Variants in ANO4 observed in about 807,000 individuals in gnomAD.
The protein encoded by ANO4 is anoctamin-4.
Under a neutral mutation model 141.9 loss-of-function variants are expected in ANO4, and 69 were observed. That is an observed-to-expected ratio of 0.49 (90% CI 0.40 to 0.59). The LOEUF is 0.59. Ranked by LOEUF, ANO4 falls within the 20% of genes least tolerant of loss-of-function variation. The pLI, the probability that ANO4 is intolerant of heterozygous loss-of-function variation, is 0.00. For synonymous variants in ANO4, 350 were observed against 394.3 expected (o/e 0.89, Z 1.33); for missense variants, 894 against 1,162.2 (o/e 0.77, Z 3.36).
At chr12:100,822,157 T>A (rs2036090093) in intron 1 of ANO4, among the ~76,000 whole-genome samples, 1 of 152,040 alleles carries the variant, frequency 6.6e-6, no homozygotes, top group Non-Finnish European at 1.5e-5. Context: ...GTGGATCTTT[T>A]GAGCAGCTTA....
intron 8 of ANO4, among the ~76,000 whole-genome samples, chr12:100,992,860 T>A (rs2045202716): frequency 6.6e-6 from 1 of 152,122 alleles, no homozygotes; most frequent in Admixed American, 6.5e-5. Flanking sequence ...ATTCTTTAAC[T>A]GCACTGTACA....
At position 101,109,410 on chromosome 12, in the gene ANO4, C is replaced by A. The variant is rs73389111; in HGVS notation, c.2150-994C>A. ...ACTCTGTCTCTACTAAAAATACAAA[C>A]ATTAGCTGGTTGTGATGGCGGGCGC... On this transcript the variant is annotated intron_variant, in intron 22 of 27. Coordinates refer to ENST00000392977, the MANE Select transcript of ANO4 (RefSeq NM_001286615.2). Among the ~76,000 whole-genome samples, 672 of 152,018 alleles carry A rather than the reference C, an allele frequency of 4.4e-3. 10 individuals are homozygous for A. The highest frequency in any genetic ancestry group is 0.016 in the African/African-American group (648 of 41,446).
At chr12:101,111,542 A>G (rs2050665212) in intron 23 of ANO4, 21 bp from the exon 24 acceptor site, 1 of 1,583,020 alleles carries the variant, frequency 6.3e-7, no homozygotes, top group Non-Finnish European at 8.6e-7. Flanking sequence ...TGGAACTAAC[A>G]CAACACTTCT....
intron 1 of ANO4, among the ~76,000 whole-genome samples, chr12:100,727,775 C>CT (rs1158859769): frequency 6.6e-6 from 1 of 151,948 alleles, no homozygotes; most frequent in African/African-American, 2.4e-5. Context: ...CAAAGTTGAA[C>CT]TTTTTTGTTA....
At chr12:100,727,925 T>G (rs1258798881) in intron 1 of ANO4, among the ~76,000 whole-genome samples, 1 of 152,216 alleles carries the variant, frequency 6.6e-6, no homozygotes, top group African/African-American at 2.4e-5. Context: ...CTTAACAAAT[T>G]CTACACCTAT....
intron 9 of ANO4, among the ~76,000 whole-genome samples, chr12:101,027,863 A>T (rs1361868126): frequency 6.6e-6 from 1 of 152,072 alleles, no homozygotes; most frequent in African/African-American, 2.4e-5. Context: ...CTTGTCACCC[A>T]AATAGGTAAG....
chr12:100,874,980 G>A (rs751570183), intron 1 of ANO4, among the ~76,000 whole-genome samples: 4 of 152,128 alleles, frequency 2.6e-5, no homozygotes, highest in Admixed American at 6.5e-5. Context: ...CAGGCTCCTA[G>A]GCAGAAGGGA....
intron 14 of ANO4, among the ~76,000 whole-genome samples, chr12:101,056,962 G>A (rs1319213739): frequency 1.5e-5 from 2 of 136,900 alleles, no homozygotes; most frequent in African/African-American, 5.6e-5. Context: ...CCTTCAAATC[G>A]TCATCTACAT....
intron 1 of ANO4, among the ~76,000 whole-genome samples, chr12:100,826,178 C>T (rs2036326793): frequency 2.6e-5 from 4 of 151,684 alleles, no homozygotes; most frequent in Admixed American, 2.6e-4. Flanking sequence ...GACAGTGTAA[C>T]AGAGTGAAAA....
At chr12:101,049,777 C>T (rs2047787101) in intron 14 of ANO4, among the ~76,000 whole-genome samples, 1 of 152,032 alleles carries the variant, frequency 6.6e-6, no homozygotes, top group South Asian at 2.1e-4. Context: ...ATTGTCCCAC[C>T]CATCACAGCT....
chr12:100,804,261 T>C (rs2034863665), intron 1 of ANO4, among the ~76,000 whole-genome samples: 1 of 152,192 alleles, frequency 6.6e-6, no homozygotes, highest in Non-Finnish European at 1.5e-5. Flanking sequence ...TCCATTCATG[T>C]CCTTGAGAAG....
chr12:100,799,457 C>T (rs1259944953), intron 1 of ANO4, among the ~76,000 whole-genome samples: 1 of 152,092 alleles, frequency 6.6e-6, no homozygotes, highest in African/African-American at 2.4e-5. Flanking sequence ...TCAAAAAGGA[C>T]CTTGGCCAGG....
At chr12:100,732,533 T>A (rs2031422804) in intron 1 of ANO4, among the ~76,000 whole-genome samples, 1 of 152,246 alleles carries the variant, frequency 6.6e-6, no homozygotes, top group South Asian at 2.1e-4. Flanking sequence ...CTTCTCATTC[T>A]GTTTGTATTA....
chr12:101,042,555 A>G (rs2047450847), intron 12 of ANO4, 87 bp downstream of exon 12: 1 of 1,533,156 alleles, frequency 6.5e-7, no homozygotes, highest in Non-Finnish European at 8.9e-7. Context: ...GATTGTGGAG[A>G]CATTTAGCTT....
intron 1 of ANO4, among the ~76,000 whole-genome samples, chr12:100,881,815 G>A (rs1187418234): frequency 6.6e-6 from 1 of 152,166 alleles, no homozygotes; most frequent in African/African-American, 2.4e-5. Context: ...ACATAACACT[G>A]TTTCTTAATC....
At chr12:100,800,799 C>T (rs2034636382) in intron 1 of ANO4, among the ~76,000 whole-genome samples, 1 of 152,188 alleles carries the variant, frequency 6.6e-6, no homozygotes, top group Admixed American at 6.5e-5. Context: ...AGTGTACAGC[C>T]CTTGCTTCCT....
intron 8 of ANO4, among the ~76,000 whole-genome samples, chr12:100,994,471 A>G (rs2045279761): frequency 6.6e-6 from 1 of 152,222 alleles, no homozygotes; most frequent in Non-Finnish European, 1.5e-5. Context: ...ATATGCAAGA[A>G]GAGTCGTGTT....
intron 1 of ANO4, among the ~76,000 whole-genome samples, chr12:100,863,201 T>A (rs1477379390): frequency 2.6e-5 from 4 of 152,084 alleles, no homozygotes; most frequent in Non-Finnish European, 5.9e-5. Context: ...ATTATACAGA[T>A]CTTGTAGGGC....
chr12:100,949,680 G>A (rs1465237941), intron 5 of ANO4, among the ~76,000 whole-genome samples: 1 of 152,066 alleles, frequency 6.6e-6, no homozygotes, highest in African/African-American at 2.4e-5. Context: ...AACATCAGTG[G>A]GTCATATATT....
Sources: gnomAD v4.1 joint callset for allele counts (sites outside exome capture counted in the v4.1 genomes callset) on GRCh38, gnomAD v4.1.1 for gene constraint, MANE v1.5 for transcripts, NCBI Gene and HGNC (gene_info 2026-07-23, HGNC 2026-07-21) for gene names.